DBH: variants seen among roughly 807,000 people sequenced by gnomAD.
DBH encodes dopamine beta-hydroxylase (dopamine beta-monooxygenase).
DBH carries 49 observed loss-of-function variants against 64.0 expected under a neutral mutation model. That is an observed-to-expected ratio of 0.77 (90% CI 0.61 to 0.97). The LOEUF is 0.97. Ranked by LOEUF, DBH falls within the 50% of genes least tolerant of loss-of-function variation. The pLI, the probability that DBH is intolerant of heterozygous loss-of-function variation, is 0.00. For missense variants in DBH, 828 were observed against 826.6 expected (o/e 1.00, Z -0.02); for synonymous variants, 343 against 347.1 (o/e 0.99, Z 0.13).
rs1197103264 is a variant in DBH at position 133,656,530 on chromosome 9, T to A, written c.1442T>A (p.Phe481Tyr). 6.2e-7 allele frequency: 1 copy of A among 1,613,866 alleles called. No homozygotes were observed. The highest frequency in any genetic ancestry group is 1.1e-5 in the South Asian group (1 of 91,070). ...GTCTCCTCCAACTTGCAGGGGGGCT[T>A]CGGGATCCTGGAGGAGATGTGTGTC... is the stretch of plus-strand genomic sequence containing the variant. ...EDRELATVGG[F>Y]GILEEMCVNY... is the part of the protein sequence containing the mutation. The change falls in exon 10 of 12, where the codon TTC (phenylalanine) becomes TAC (tyrosine). Residue 481 changes from phenylalanine to tyrosine, a missense_variant. Transcript: ENST00000393056.
Position 133,658,343 on chromosome 9 carries a change from A to G in DBH, c.1750A>G (p.Lys584Glu). ...QGEWNLQPLP[K>E]VISTLEEPTP... ...TGAATGGAACCTGCAGCCCCTGCCC[A>G]AGGTCATCTCCACACTGGAAGAGCC... is the stretch of plus-strand genomic sequence containing the variant. The change falls in exon 12 of 12, where the codon AAG becomes GAG. Residue 584 changes from lysine to glutamate, a missense_variant. Coordinates refer to ENST00000393056, the MANE Select transcript of DBH (RefSeq NM_000787.4). 4 of 1,613,758 alleles carry G rather than the reference A, an allele frequency of 2.5e-6. No individual in the cohort carries two copies. The South Asian group carries it at 4.4e-5, about 18-fold the overall frequency.
Position 133,651,794 on chromosome 9 carries a change from C to T in DBH, c.1335+17C>T, listed in dbSNP as rs757816875. ...CACTTCCAGGTAGGAACCTGCACCC[C>T]ACCCCTGCCCCGCCCCCACACCCTG... On this transcript the variant is annotated intron_variant, in intron 7 of 11. Transcript: ENST00000393056. The T allele has an allele frequency of 3.2e-6, 5 of 1,546,454 alleles. No homozygotes were observed. Among genetic ancestry groups the T allele is most frequent in the African/African-American group, 1.4e-5 (1 of 72,820 alleles).
intron 9 of DBH, among the ~76,000 whole-genome samples, 188 bp downstream of exon 9, chr9:133,653,187 C>T (rs1328894886): frequency 6.6e-6 from 1 of 152,130 alleles, no homozygotes; most frequent in African/African-American, 2.4e-5. Context: ...ATGCAACCTC[C>T]TGGGTGCCAC....
intron 11 of DBH, 162 bp downstream of exon 11, chr9:133,657,391 C>T (rs1175162012): frequency 1.6e-6 from 1 of 609,068 alleles, no homozygotes; most frequent in Non-Finnish European, 2.7e-6. Flanking sequence ...GACAGCCAGC[C>T]AGCCAGCAGA....
rs372683052 is a variant in DBH at position 133,642,469 on chromosome 9, G to T, written c.744+5G>T. 1.0e-5 allele frequency: 16 copies of T among 1,603,764 alleles called. No homozygotes were observed. The highest frequency in any genetic ancestry group is 1.1e-5 in the South Asian group (1 of 89,338). The stretch of plus-strand genomic sequence containing the variant: ...TCTCGGCACCACATTATCAAGGTAC[G>T]TGCGGGTCCAGGGCCGAGGTCCTCG... On this transcript the variant is annotated splice_donor_5th_base_variant and intron_variant, in intron 3 of 11. Coordinates refer to ENST00000393056, the MANE Select transcript of DBH (RefSeq NM_000787.4).
chr9:133,650,120 A>G (rs1832226442), intron 6 of DBH, among the ~76,000 whole-genome samples: 1 of 152,144 alleles, frequency 6.6e-6, no homozygotes, highest in South Asian at 2.1e-4. Flanking sequence ...CTGGGGGCCA[A>G]AGGGGCATTG....
intron 11 of DBH, 169 bp downstream of exon 11, chr9:133,657,398 C>T (rs1248137833): frequency 3.1e-5 from 16 of 517,872 alleles, no homozygotes; most frequent in Non-Finnish European, 5.0e-5. Flanking sequence ...AGCCAGCCAG[C>T]AGAGAGAGAG....
chr9:133,645,241 GTTT>G lies in DBH; in HGVS notation c.1024+933_1024+935del, dbSNP rs3081166. ...TGTGCTCAGCTAACAGTCGCCTGTG[GTTT>G]TTTTTTTTTTTCCTGGCTGCATAAG... On this transcript the variant is annotated intron_variant, in intron 5 of 11. Transcript: ENST00000393056. Among the ~76,000 whole-genome samples the G allele has an allele frequency of 5.3e-3, 780 of 147,370 alleles. 11 individuals are homozygous for G. Among genetic ancestry groups the G allele is most frequent in the Non-Finnish European group, 8.3e-3 (557 of 66,870 alleles).
intron 11 of DBH, chr9:133,657,448 AGAG>A (rs765843151): frequency 1.7e-5 from 7 of 421,934 alleles, no homozygotes; most frequent in South Asian, 4.5e-5. Context: ...GAGAGGAGAG[AGAG>A]GAGAGAGGGA....
rs147922609 is a variant in DBH at position 133,659,100 on chromosome 9, G to A, written c.*653G>A. The A allele has an allele frequency of 6.6e-6, 1 of 152,244 alleles. No individual in the cohort carries two copies. Among genetic ancestry groups the A allele is most frequent in the Non-Finnish European group, 1.5e-5 (1 of 68,068 alleles). The allele number at this position is 152,244 out of a possible 1,614,324, so 9.4% of individuals were successfully genotyped here. ...AGATCCAGCGGGGCTTCTGGGCGCC[G>A]GTTCCACGTGGGGTGGAATTATTAG... On this transcript the variant is annotated 3_prime_UTR_variant, in exon 12 of 12. Transcript: ENST00000393056.
At position 133,643,597 on chromosome 9, in the gene DBH, C is replaced by T. The variant is rs886063659; in HGVS notation, c.921+8C>T. On this transcript the variant is annotated splice_region_variant and intron_variant, in intron 4 of 11. Transcript: ENST00000393056. This position sits in a 1 kb window ranked among gnomAD's most constrained non-coding sequence, Gnocchi z 5.3. ...TGGGCCCTGGGTGCCAAGGTGCGTG[C>T]CCTGCGACCCCAGCATGGTGTCTCC... is the stretch of plus-strand genomic sequence containing the variant. 1 of 1,613,124 alleles carries T rather than the reference C, an allele frequency of 6.2e-7. No homozygotes were observed. The highest frequency in any genetic ancestry group is 1.3e-5 in the African/African-American group (1 of 75,026).
At position 133,658,631 on chromosome 9, in the gene DBH, C is replaced by T; in HGVS notation, c.*184C>T. The stretch of plus-strand genomic sequence containing the variant: ...TCTTCCCCCAGGGTCCCCTGCATGG[C>T]TGAGAGGGTGTGGGTGCCCTGTTGA... On this transcript the variant is annotated 3_prime_UTR_variant, in exon 12 of 12. Coordinates refer to ENST00000393056, the MANE Select transcript of DBH (RefSeq NM_000787.4). 1 of 679,250 alleles carries T rather than the reference C, an allele frequency of 1.5e-6. No individual in the cohort carries two copies. The highest frequency in any genetic ancestry group is 1.8e-5 in the African/African-American group (1 of 55,286). The allele number at this position is 679,250 out of a possible 1,614,324, so 42.1% of individuals were successfully genotyped here.
At chr9:133,654,390 T>C (rs1832288651) in intron 9 of DBH, among the ~76,000 whole-genome samples, 11 of 152,196 alleles carry the variant, frequency 7.2e-5, no homozygotes, top group Admixed American at 7.2e-4. Flanking sequence ...CCAGTGTTTG[T>C]ATTTTCACAG....
chr9:133,647,738 C>T lies in DBH; in HGVS notation c.1025-108C>T. ...GGGAGCAGATGGGGGGTGACCGGCC[C>T]TGCCTCCTGGCTGAGGGTGGCTGGG... is the stretch of plus-strand genomic sequence containing the variant. On this transcript the variant is annotated intron_variant, in intron 5 of 11. Coordinates refer to ENST00000393056, the MANE Select transcript of DBH (RefSeq NM_000787.4). 1.1e-5 allele frequency: 16 copies of T among 1,401,046 alleles called. 1 individual carries two copies. The South Asian group carries it at 2.0e-4, about 17-fold the overall frequency. 86.8% of individuals were successfully genotyped at this position (1,401,046 alleles called of 1,614,324 possible). A position where few individuals can be genotyped will look rare whatever the true frequency, so the allele number is the denominator to read the frequency against.
chr9:133,644,405 C>A, intron 5 of DBH, 85 bp downstream of exon 5: 1 of 1,092,446 alleles, frequency 9.2e-7, no homozygotes, highest in South Asian at 1.3e-5. Context: ...CTTCGTCTGC[C>A]CAGCATGGTG....
At chr9:133,638,309 G>A (rs1049021958) in intron 1 of DBH, among the ~76,000 whole-genome samples, 3 of 152,206 alleles carry the variant, frequency 2.0e-5, no homozygotes, top group Admixed American at 6.5e-5. Context: ...TGTCCCCAGC[G>A]GGGTTGCATT....
intron 9 of DBH, among the ~76,000 whole-genome samples, chr9:133,653,770 G>A (rs1056029175): frequency 2.0e-5 from 3 of 152,176 alleles, no homozygotes; most frequent in Admixed American, 1.3e-4. Context: ...ACCAGGACAC[G>A]GGCAGCCACG....
intron 1 of DBH, among the ~76,000 whole-genome samples, chr9:133,639,045 C>T (rs1428066092): frequency 6.6e-6 from 1 of 152,026 alleles, no homozygotes; most frequent in Non-Finnish European, 1.5e-5. Flanking sequence ...TTACCTTCTC[C>T]AAGCAGGGCT....
chr9:133,650,757 A>C (rs1832239535), intron 6 of DBH, among the ~76,000 whole-genome samples: 1 of 152,046 alleles, frequency 6.6e-6, no homozygotes, highest in Non-Finnish European at 1.5e-5. Flanking sequence ...CATGTTGGCC[A>C]GACTATTCTC....
Sources: gnomAD v4.1 joint callset for allele counts (sites outside exome capture counted in the v4.1 genomes callset) on GRCh38, gnomAD v4.1.1 for gene constraint, Gnocchi (gnomAD v3.1) non-coding constraint, MANE v1.5 for transcripts, NCBI Gene and HGNC (gene_info 2026-07-23, HGNC 2026-07-21) for gene names.